Variants in ITGBL1 observed in about 807,000 individuals in gnomAD.
ITGBL1 encodes the protein integrin beta-like protein 1.
A neutral mutation model predicts 68.5 loss-of-function variants in ITGBL1; 51 were observed. The ratio of observed to expected loss-of-function variants is 0.74; its 90% CI spans 0.59 to 0.94. The LOEUF is 0.94. Ranked by LOEUF, ITGBL1 falls within the 40% of genes least tolerant of loss-of-function variation. The probability of loss-of-function intolerance (pLI) is 0.00; values close to 1 mark genes in which losing one functional copy is unlikely to be tolerated. For synonymous variants in ITGBL1, 209 were observed against 227.3 expected, an observed-to-expected ratio of 0.92 and a Z score of 0.72; for missense variants, 649 against 647.4, an observed-to-expected ratio of 1.00 and a Z score of -0.03.
At chr13:101,543,367 C>T (rs150871459) in intron 2 of ITGBL1, among the ~76,000 whole-genome samples, 2,179 of 152,166 alleles carry the variant, frequency 0.014, 49 homozygotes, top group African/African-American at 0.049. Context: ...CTTTTCTTTA[C>T]GAATGTTGAA....
chr13:101,552,965 TG>T (rs967571707), intron 2 of ITGBL1, among the ~76,000 whole-genome samples: 74 of 152,286 alleles, frequency 4.9e-4, no homozygotes, highest in African/African-American at 1.8e-3. Context: ...CAGCTTTGTG[TG>T]GGGGATTCTT....
At chr13:101,583,929 A>G (rs1391581075) in intron 6 of ITGBL1, among the ~76,000 whole-genome samples, 4 of 152,330 alleles carry the variant, frequency 2.6e-5, no homozygotes, top group Admixed American at 2.0e-4. Flanking sequence ...ATAGCTACTC[A>G]GTTCAACTCT....
chr13:101,598,064 A>G, intron 6 of ITGBL1, 89 bp from the exon 7 acceptor site: 1 of 1,221,386 alleles, frequency 8.2e-7, no homozygotes, highest in Non-Finnish European at 1.1e-6. Context: ...ATCCTGACTC[A>G]TTTGTGACAT....
chr13:101,617,574 G>A (rs560732391), intron 7 of ITGBL1, among the ~76,000 whole-genome samples: 9 of 152,088 alleles, frequency 5.9e-5, no homozygotes, highest in Non-Finnish European at 1.3e-4. Flanking sequence ...TGCTAATCAA[G>A]TTTCATTTGA....
chr13:101,533,023 C>T (rs1157480661), intron 2 of ITGBL1, among the ~76,000 whole-genome samples: 1 of 152,104 alleles, frequency 6.6e-6, no homozygotes, highest in African/African-American at 2.4e-5. Flanking sequence ...AGCTGAATAT[C>T]ATCATCATAG....
chr13:101,576,952 GGA>G (rs33928966), intron 4 of ITGBL1, among the ~76,000 whole-genome samples: 27 of 126,214 alleles, frequency 2.1e-4, no homozygotes, highest in Middle Eastern at 3.9e-3. Flanking sequence ...TATTATAGAT[GGA>G]AAAAAAAAAA....
At chr13:101,561,808 T>G (rs1345315039) in intron 2 of ITGBL1, among the ~76,000 whole-genome samples, 2 of 152,178 alleles carry the variant, frequency 1.3e-5, no homozygotes, top group African/African-American at 4.8e-5. Context: ...ACAGCAGACC[T>G]ACCCTAAATA....
At chr13:101,522,237 A>G (rs369849873) in intron 2 of ITGBL1, among the ~76,000 whole-genome samples, 2 of 152,096 alleles carry the variant, frequency 1.3e-5, no homozygotes, top group Admixed American at 6.6e-5. Context: ...GGGGGACACA[A>G]TTTGGCTCAT....
intron 7 of ITGBL1, among the ~76,000 whole-genome samples, chr13:101,611,068 A>G (rs960183669): frequency 4.6e-5 from 7 of 152,154 alleles, no homozygotes; most frequent in African/African-American, 1.7e-4. Context: ...AAAATAAGAA[A>G]ATGGTGGGAG....
intron 7 of ITGBL1, among the ~76,000 whole-genome samples, chr13:101,666,834 C>T (rs929886954): frequency 1.3e-5 from 2 of 152,022 alleles, no homozygotes; most frequent in South Asian, 2.1e-4. Flanking sequence ...TCAACTGTTA[C>T]GGACAGGCAA....
At chr13:101,646,479 CT>C (rs2032563626) in intron 7 of ITGBL1, among the ~76,000 whole-genome samples, 1 of 151,890 alleles carries the variant, frequency 6.6e-6, no homozygotes, top group Non-Finnish European at 1.5e-5. Context: ...AAATATGAAA[CT>C]TTTTTACTTA....
At chr13:101,609,237 T>G (rs192140094) in intron 7 of ITGBL1, among the ~76,000 whole-genome samples, 1 of 152,236 alleles carries the variant, frequency 6.6e-6, no homozygotes, top group African/African-American at 2.4e-5. Context: ...ATTATGAGGT[T>G]ATTAAGGATA....
downstream of ITGBL1, chr13:101,720,441 T>C (rs1276892325): frequency 6.6e-6 from 1 of 152,076 alleles, no homozygotes; most frequent in Non-Finnish European, 1.5e-5. Flanking sequence ...AATCTTGTCT[T>C]AATTTAAACC....
chr13:101,568,709 G>A (rs1430407003), intron 3 of ITGBL1, among the ~76,000 whole-genome samples: 2 of 151,994 alleles, frequency 1.3e-5, no homozygotes, highest in African/African-American at 4.8e-5. Flanking sequence ...TTGACTTCAC[G>A]AATGAGTACC....
intron 8 of ITGBL1, among the ~76,000 whole-genome samples, chr13:101,696,468 G>A (rs947451349): frequency 6.6e-6 from 1 of 152,094 alleles, no homozygotes; most frequent in African/African-American, 2.4e-5. Flanking sequence ...CAACAGAGAT[G>A]GAGAAACTTG....
Position 101,579,286 on chromosome 13 carries a change from G to A in ITGBL1, c.587-1G>A, listed in dbSNP as rs1418945073. Reference sequence around the variant, plus strand: ...CTGTATAAAATTCATTTTGGGTAAAGGCCATGGGAAGTGTTACTGTGGAAA... The same window carrying A: ...CTGTATAAAATTCATTTTGGGTAAAAGCCATGGGAAGTGTTACTGTGGAAA... On this transcript the variant is annotated splice_acceptor_variant, in intron 4 of 10. Coordinates refer to ENST00000376180, the MANE Select transcript of ITGBL1 (RefSeq NM_004791.3). LOFTEE classifies it high-confidence loss of function. 2 of 1,613,300 alleles carry A rather than the reference G, an allele frequency of 1.2e-6. No homozygotes were observed. Among genetic ancestry groups the A allele is most frequent in the Non-Finnish European group, 1.7e-6 (2 of 1,179,482 alleles).
chr13:101,557,633 C>A (rs1484747919), intron 2 of ITGBL1, among the ~76,000 whole-genome samples: 1 of 151,964 alleles, frequency 6.6e-6, no homozygotes, highest in African/African-American at 2.4e-5. Context: ...TCACCTATCT[C>A]GGGTCTCCTA....
chr13:101,520,565 C>G (rs1227392804), intron 2 of ITGBL1, among the ~76,000 whole-genome samples: 1 of 152,248 alleles, frequency 6.6e-6, no homozygotes, highest in African/African-American at 2.4e-5. Flanking sequence ...GCCATAGTTC[C>G]ATGGAGGTGA....
intron 2 of ITGBL1, among the ~76,000 whole-genome samples, chr13:101,495,350 C>T (rs2048841526): frequency 6.6e-6 from 1 of 152,054 alleles, no homozygotes; most frequent in Non-Finnish European, 1.5e-5. Context: ...TTTCCCAGGC[C>T]CCACACAGGT....
Sources: gnomAD v4.1 joint callset for allele counts (sites outside exome capture counted in the v4.1 genomes callset) on GRCh38, gnomAD v4.1.1 for gene constraint, MANE v1.5 for transcripts, NCBI Gene and HGNC (gene_info 2026-07-23, HGNC 2026-07-21) for gene names.